MEIS3: variants seen among roughly 807,000 people sequenced by gnomAD.
MEIS3 encodes homeobox protein Meis3.
Under a neutral mutation model 51.4 loss-of-function variants are expected in MEIS3, and 38 were observed. The observed-to-expected ratio is 0.74, with a 90% CI of 0.57 to 0.97. MEIS3 has a LOEUF of 0.97. Among genes scored for constraint, MEIS3 ranks in the 50% least tolerant of loss-of-function variants. The probability of loss-of-function intolerance (pLI) is 0.00; values close to 1 mark genes in which losing one functional copy is unlikely to be tolerated. For missense variants in MEIS3, 456 were observed against 502.6 expected (o/e 0.91, Z 0.89); for synonymous variants, 198 against 201.8 (o/e 0.98, Z 0.16).
chr19:47,408,083 G>A (rs1970939073), intron 8 of MEIS3, among the ~76,000 whole-genome samples: 1 of 152,050 alleles, frequency 6.6e-6, no homozygotes, highest in South Asian at 2.1e-4. Context: ...GGGATTACAG[G>A]CATAAGCCAC....
upstream of MEIS3, among the ~76,000 whole-genome samples, chr19:47,421,906 C>G (rs1167663362): frequency 6.6e-5 from 10 of 151,938 alleles, no homozygotes; most frequent in South Asian, 2.1e-4. Context: ...CCCTGTCCCC[C>G]CCACCGTATC....
chr19:47,418,234 AG>A (rs1445262224), intron 1 of MEIS3: 1 of 154,380 alleles, frequency 6.5e-6, no homozygotes, highest in African/African-American at 2.4e-5. Flanking sequence ...GAAGACACGG[AG>A]GCTCAAAGAG....
At chr19:47,416,755 C>T (rs760932553) in intron 3 of MEIS3, 49 bp downstream of exon 3, 4 of 1,612,786 alleles carry the variant, frequency 2.5e-6, no homozygotes, top group Non-Finnish European at 3.4e-6. Flanking sequence ...CCACCCACCC[C>T]TCCTCGCTGG....
In MEIS3 at chr19:47,410,563, G is replaced by A. The variant is rs139382089; in HGVS notation, c.598-1016C>T. Among the ~76,000 whole-genome samples the A allele has an allele frequency of 7.2e-3, 1,097 of 151,740 alleles. 14 individuals are homozygous for A. The highest frequency in any genetic ancestry group is 0.025 in the African/African-American group (1,025 of 41,324). On this transcript the variant is annotated intron_variant, in intron 6 of 12. Transcript: ENST00000558555. Reference sequence around the variant, plus strand: ...GGGTAGATCACAAGGTCAGGAGATCGAGACCATCCTGGCTAACATGGTGAA... The same window carrying A: ...GGGTAGATCACAAGGTCAGGAGATCAAGACCATCCTGGCTAACATGGTGAA...
At position 47,405,255 on chromosome 19, in the gene MEIS3, T is replaced by C. The variant is rs151241746; in HGVS notation, c.*17+1205A>G. 2.0e-4 allele frequency among the ~76,000 whole-genome samples: 31 copies of C among 152,276 alleles called. No homozygotes were observed. In the East Asian group the frequency reaches 5.6e-3, roughly 27 times the overall value. ...GAGAAGATGCTCTAAAGTGCCGCCATCATACCAGGCCACAGAAGACTCAAG... is the reference window on the plus strand; with the variant it reads ...GAGAAGATGCTCTAAAGTGCCGCCACCATACCAGGCCACAGAAGACTCAAG... On this transcript the variant is annotated intron_variant, in intron 12 of 12. Transcript: ENST00000558555.
At position 47,406,976 on chromosome 19, in the gene MEIS3, G is replaced by A. The variant is rs1290525678; in HGVS notation, c.995-5C>T. 1.9e-6 allele frequency: 3 copies of A among 1,575,138 alleles called. No individual in the cohort carries two copies. The highest frequency in any genetic ancestry group is 1.9e-5 in the Admixed American group (1 of 53,474). On this transcript the variant is annotated splice_polypyrimidine_tract_variant and splice_region_variant and intron_variant, in intron 10 of 12. Transcript: ENST00000558555. ...GGCTGAAGGCTGCACCCTGCCCTGC[G>A]AAGGGGGTTCAGAGGTGCAGGCTGA...
At chr19:47,403,981 C>T (rs528027340) in intron 12 of MEIS3, among the ~76,000 whole-genome samples, 2 of 151,980 alleles carry the variant, frequency 1.3e-5, no homozygotes, top group African/African-American at 2.4e-5. Context: ...GCAGGGGGAT[C>T]GCTTGAGCCC....
rs781275325 is a variant in MEIS3 at position 47,407,381 on chromosome 19, C to T, written c.906G>A (p.Thr302=). The T allele has an allele frequency of 6.2e-6, 10 of 1,613,586 alleles. No individual in the cohort carries two copies. Among genetic ancestry groups the T allele is most frequent in the Non-Finnish European group, 5.9e-6 (7 of 1,179,834 alleles). The change falls in exon 9 of 13, where the codon ACG becomes ACA. Residue 302 remains threonine, a synonymous_variant. Transcript: ENST00000558555. The part of the protein sequence containing the change: ...EEQKKQLAQD[T]GLTILQVNNW... ...TGTTGACTTGCAGGATGGTGAGCCC[C>T]GTGTCCTGCGCCAGCTGTTTCTTCT...
chr19:47,404,744 T>C (rs1249852045), intron 12 of MEIS3, among the ~76,000 whole-genome samples: 1 of 151,804 alleles, frequency 6.6e-6, no homozygotes, highest in Non-Finnish European at 1.5e-5. Flanking sequence ...CCATCCCAGG[T>C]CCAACACCCG....
chr19:47,421,537 T>A (rs879564984), upstream of MEIS3, among the ~76,000 whole-genome samples: 1 of 152,122 alleles, frequency 6.6e-6, no homozygotes, highest in Non-Finnish European at 1.5e-5. Flanking sequence ...CCCCTCTTTA[T>A]CAACCGCTCT....
chr19:47,409,333 C>T (rs556152495), intron 7 of MEIS3, 86 bp from the exon 8 acceptor site: 2 of 1,578,800 alleles, frequency 1.3e-6, no homozygotes, highest in East Asian at 4.5e-5. Flanking sequence ...AGACAACACT[C>T]CACACCCCAG....
intron 6 of MEIS3, among the ~76,000 whole-genome samples, chr19:47,413,118 C>T (rs977750110): frequency 5.3e-5 from 8 of 150,610 alleles, no homozygotes; most frequent in East Asian, 4.1e-4. Context: ...AGGACTTGGC[C>T]GGCTGCAGTG....
rs538489994 is a variant in MEIS3 at position 47,419,375 on chromosome 19, C to A, written c.-294G>T. 5.7e-4 allele frequency: 89 copies of A among 156,434 alleles called. No individual in the cohort carries two copies. Among genetic ancestry groups the A allele is most frequent in the Non-Finnish European group, 9.3e-4 (67 of 72,078 alleles). 9.7% of individuals were successfully genotyped at this position (156,434 alleles called of 1,614,324 possible). A position where few individuals can be genotyped will look rare whatever the true frequency, so the allele number is the denominator to read the frequency against. ...GCGCCCGAGGCCCCCTCCTCTGGGC[C>A]CCCCCCGTCCCTTCCCCGGCTCTGG... On this transcript the variant is annotated 5_prime_UTR_variant, in exon 1 of 13. Transcript: ENST00000558555.
intron 6 of MEIS3, among the ~76,000 whole-genome samples, chr19:47,414,454 G>A (rs1971291539): frequency 6.6e-6 from 1 of 152,198 alleles, no homozygotes; most frequent in Non-Finnish European, 1.5e-5. Context: ...TGGTGTGGCT[G>A]TATGTGGACC....
chr19:47,421,966 C>A (rs934441102), upstream of MEIS3, among the ~76,000 whole-genome samples: 1 of 151,772 alleles, frequency 6.6e-6, no homozygotes, highest in Non-Finnish European at 1.5e-5. Context: ...TCCACCCGGG[C>A]CCTTCATAAA....
upstream of MEIS3, among the ~76,000 whole-genome samples, chr19:47,421,023 G>A (rs1289685057): frequency 6.6e-6 from 1 of 150,576 alleles, no homozygotes; most frequent in Non-Finnish European, 1.5e-5. Flanking sequence ...GTTCCCAGGG[G>A]GAGGGAGCAG....
chr19:47,406,243 T>G, intron 12 of MEIS3: 2 of 466,718 alleles, frequency 4.3e-6, no homozygotes, highest in Non-Finnish European at 3.8e-6. Context: ...GGTGAGTGAG[T>G]GGGTAGATGG....
rs149425107 is a variant in MEIS3, at chr19:47,407,146, C to T, written c.936-9G>A. ...TCCGGGCGTTAATGAACCTGGGAGG[C>T]GGTCATGGAAACGGAGGGGAATGAA... On this transcript the variant is annotated splice_polypyrimidine_tract_variant and intron_variant, in intron 9 of 12. Coordinates refer to ENST00000558555, the MANE Select transcript of MEIS3 (RefSeq NM_001301059.2). 1,260 of 1,606,420 alleles carry T rather than the reference C, an allele frequency of 7.8e-4. 17 individuals are homozygous for T. In the East Asian group the frequency reaches 0.026, roughly 34 times the overall value.
chr19:47,403,982 G>A (rs1038749960), intron 12 of MEIS3, among the ~76,000 whole-genome samples: 1 of 152,026 alleles, frequency 6.6e-6, no homozygotes, highest in Non-Finnish European at 1.5e-5. Flanking sequence ...CAGGGGGATC[G>A]CTTGAGCCCA....
Sources: allele counts gnomAD v4.1 joint callset (sites outside exome capture counted in the v4.1 genomes callset), GRCh38; gene constraint gnomAD v4.1.1; transcripts MANE v1.5; gene names NCBI Gene and HGNC (gene_info 2026-07-23, HGNC 2026-07-21).